The following PACRG variants were observed in gnomAD, a reference collection of about 807,000 sequenced individuals.
PACRG encodes the protein parkin coregulated.
Under a neutral mutation model 29.7 loss-of-function variants are expected in PACRG, and 29 were observed. The observed-to-expected ratio is 0.98, with a 90% CI of 0.73 to 1.33. PACRG has a LOEUF of 1.33. PACRG is among the 40% of genes most tolerant of loss of function. The probability of loss-of-function intolerance (pLI) is 0.00; values close to 1 mark genes in which losing one functional copy is unlikely to be tolerated. For synonymous variants in PACRG, 116 were observed against 118.7 expected (o/e 0.98, Z 0.15); for missense variants, 279 against 316.2 (o/e 0.88, Z 0.89).
chr6:163,225,464 C>T (rs1342784328), intron 4 of PACRG, among the ~76,000 whole-genome samples: 1 of 152,214 alleles, frequency 6.6e-6, no homozygotes, highest in Non-Finnish European at 1.5e-5. Flanking sequence ...TGTAAGTTTC[C>T]TGAGGCCTCC....
At chr6:162,771,117 C>G (rs939303695) in intron 1 of PACRG, among the ~76,000 whole-genome samples, 1 of 152,104 alleles carries the variant, frequency 6.6e-6, no homozygotes, top group Middle Eastern at 3.4e-3. Context: ...AGAAATATTT[C>G]TTACTTATGA....
chr6:163,314,806 TTG>T lies in PACRG; in HGVS notation c.614-15_614-14del. 2 of 1,610,754 alleles carry T rather than the reference TTG, an allele frequency of 1.2e-6. No homozygotes were observed. Among genetic ancestry groups the T allele is most frequent in the South Asian group, 2.2e-5 (2 of 90,578 alleles). The stretch of plus-strand genomic sequence containing the variant: ...AATTGCAGAGAAGTAACTGGCCTCT[TTG>T]TGTGTTTGCATGCACCAGTGAACTC... On this transcript the variant is annotated intron_variant, in intron 4 of 4. Coordinates refer to ENST00000366888, the MANE Select transcript of PACRG (RefSeq NM_001080379.2).
At chr6:162,859,219 A>C (rs1371227285) in intron 2 of PACRG, among the ~76,000 whole-genome samples, 2 of 152,168 alleles carry the variant, frequency 1.3e-5, no homozygotes. Context: ...TCACCTAAAA[A>C]TAGACTAATA....
rs564693032 is a variant in PACRG, at chr6:162,853,389, A to G, written c.291+39108A>G. On this transcript the variant is annotated intron_variant, in intron 2 of 4. Coordinates refer to ENST00000366888, the MANE Select transcript of PACRG (RefSeq NM_001080379.2). The surrounding 1 kb of genome is among the most constrained non-coding windows in gnomAD (Gnocchi z 4.7). ...GAACCACTGACTTACCGTACGTTTT[A>G]ACTTTCCTGATATCCTACCATTATG... Among the ~76,000 whole-genome samples the G allele has an allele frequency of 3.9e-5, 6 of 152,260 alleles. No individual in the cohort carries two copies. The South Asian group carries it at 1.0e-3, about 26-fold the overall frequency.
intron 4 of PACRG, among the ~76,000 whole-genome samples, chr6:163,274,346 A>T: frequency 6.6e-6 from 1 of 152,176 alleles, no homozygotes; most frequent in East Asian, 1.9e-4. Context: ...CCATGTCCCT[A>T]CAAAGGACAT....
At chr6:162,751,548 A>T (rs191112203) in intron 1 of PACRG, among the ~76,000 whole-genome samples, 1 of 152,224 alleles carries the variant, frequency 6.6e-6, no homozygotes, top group East Asian at 1.9e-4. Flanking sequence ...TCAGTTGGAA[A>T]TTTTCCTTTT....
At chr6:163,000,670 C>T (rs1193628684) in intron 2 of PACRG, among the ~76,000 whole-genome samples, 1 of 152,108 alleles carries the variant, frequency 6.6e-6, no homozygotes, top group Non-Finnish European at 1.5e-5. Context: ...ACACATGGCC[C>T]AGCAGGAACT....
intron 2 of PACRG, among the ~76,000 whole-genome samples, chr6:162,817,249 A>G (rs1787437509): frequency 6.6e-6 from 1 of 152,116 alleles, no homozygotes; most frequent in African/African-American, 2.4e-5. Context: ...TTTGTTCTGG[A>G]TTAGCTGACC....
At chr6:163,133,144 A>G (rs966615328) in intron 4 of PACRG, among the ~76,000 whole-genome samples, 4 of 152,178 alleles carry the variant, frequency 2.6e-5, no homozygotes, top group African/African-American at 9.7e-5. Flanking sequence ...ATGCAGTTGT[A>G]GGGACATGTG....
In PACRG at chr6:163,044,914, G is replaced by A. The variant is rs542969146; in HGVS notation, c.292-17236G>A. ...GAACGTTTCAGCTTACAAGCTGTTT[G>A]TATCTTGCAGTATAACTATAATTAG... On this transcript the variant is annotated intron_variant, in intron 2 of 4. Transcript: ENST00000366888. Among the ~76,000 whole-genome samples the A allele has an allele frequency of 2.5e-3, 374 of 152,322 alleles. 1 individual carries two copies. The highest frequency in any genetic ancestry group is 4.6e-3 in the Non-Finnish European group (315 of 68,024).
intron 2 of PACRG, among the ~76,000 whole-genome samples, chr6:162,882,736 C>G (rs1584645241): frequency 6.6e-6 from 1 of 152,206 alleles, no homozygotes; most frequent in African/African-American, 2.4e-5. Flanking sequence ...CATCCCCCAA[C>G]TCCATCCCAC....
At chr6:162,875,896 A>AT (rs1452095595) in intron 2 of PACRG, among the ~76,000 whole-genome samples, 1 of 152,054 alleles carries the variant, frequency 6.6e-6, no homozygotes, top group Non-Finnish European at 1.5e-5. Flanking sequence ...TTTTCTTTCT[A>AT]TTTCCCTGGA....
At chr6:163,107,979 G>A (rs1052473727) in intron 4 of PACRG, among the ~76,000 whole-genome samples, 1 of 152,186 alleles carries the variant, frequency 6.6e-6, no homozygotes, top group Non-Finnish European at 1.5e-5. Context: ...TCCTCCGAAT[G>A]TGTAAAAATT....
At position 163,212,049 on chromosome 6, in the gene PACRG, C is replaced by T. The variant is rs544750890; in HGVS notation, c.614-102778C>T. On this transcript the variant is annotated intron_variant, in intron 4 of 4. Coordinates refer to ENST00000366888, the MANE Select transcript of PACRG (RefSeq NM_001080379.2). ...CAGAATACCAGAGTGACCAGAAAGG[C>T]ATCTGCATTGGGATGAAGAAGGAGT... Among the ~76,000 whole-genome samples, 94 of 152,204 alleles carry T rather than the reference C, an allele frequency of 6.2e-4. 1 individual carries two copies. In the South Asian group the frequency reaches 0.014, roughly 23 times the overall value.
intron 2 of PACRG, among the ~76,000 whole-genome samples, chr6:162,946,938 A>G (rs907846853): frequency 1.3e-5 from 2 of 152,134 alleles, no homozygotes; most frequent in African/African-American, 4.8e-5. Flanking sequence ...TTTTTATGTT[A>G]AAAATTTCTG....
chr6:163,228,009 C>T (rs1781872821), intron 4 of PACRG, among the ~76,000 whole-genome samples: 3 of 152,038 alleles, frequency 2.0e-5, no homozygotes, highest in South Asian at 2.1e-4. Context: ...TGGTGAAAAA[C>T]CACAATGAAC....
intron 2 of PACRG, among the ~76,000 whole-genome samples, chr6:162,949,888 T>C (rs1044323805): frequency 4.6e-5 from 7 of 152,182 alleles, no homozygotes; most frequent in Non-Finnish European, 8.8e-5. Flanking sequence ...TAACAGATGC[T>C]GTCTGCATGG....
chr6:162,814,372 C>T, intron 2 of PACRG, 91 bp downstream of exon 2: 1 of 1,494,324 alleles, frequency 6.7e-7, no homozygotes, highest in South Asian at 1.3e-5. Context: ...AGTAAATAAA[C>T]TGGAGTCATT....
At chr6:162,737,256 A>C (rs1189398863) in intron 1 of PACRG, among the ~76,000 whole-genome samples, 1 of 152,130 alleles carries the variant, frequency 6.6e-6, no homozygotes, top group Non-Finnish European at 1.5e-5. Context: ...CACCTCTGAA[A>C]CCTATTCATG....
Sources: allele counts gnomAD v4.1 joint callset (sites outside exome capture counted in the v4.1 genomes callset), GRCh38; gene constraint gnomAD v4.1.1; non-coding constraint Gnocchi (gnomAD v3.1); transcripts MANE v1.5; gene names NCBI Gene and HGNC (gene_info 2026-07-23, HGNC 2026-07-21).